CRCP: variants seen among roughly 807,000 people sequenced by gnomAD.
CRCP encodes the protein CGRP receptor component, also known as DNA-directed RNA polymerase III subunit RPC9.
CRCP carries 18 observed loss-of-function variants against 18.5 expected under a neutral mutation model. The observed-to-expected ratio is 0.97, with a 90% CI of 0.67 to 1.44. CRCP has a LOEUF of 1.44. Ranked by LOEUF, CRCP falls within the 40% of genes most tolerant of loss-of-function variation. The probability of loss-of-function intolerance (pLI) is 0.00; values close to 1 mark genes in which losing one functional copy is unlikely to be tolerated. For synonymous variants in CRCP, 53 were observed against 62.9 expected (o/e 0.84, Z 0.75); for missense variants, 130 against 176.4 (o/e 0.74, Z 1.49).
At chr7:66,130,696 A>C in intron 2 of CRCP, 48 bp from the exon 3 acceptor site, 1 of 1,129,266 alleles carries the variant, frequency 8.9e-7, no homozygotes, top group South Asian at 1.3e-5. Flanking sequence ...TTGGATAGAT[A>C]TATTTCTCAA....
chr7:66,115,032 C>G, intron 1 of CRCP, 62 bp downstream of exon 1: 1 of 1,581,286 alleles, frequency 6.3e-7, no homozygotes, highest in Non-Finnish European at 8.6e-7. Context: ...CCGCTGAGAG[C>G]TGAGAGCCGA....
At chr7:66,127,575 C>G (rs1787653451) in intron 1 of CRCP, 129 bp from the exon 2 acceptor site, 1 of 996,082 alleles carries the variant, frequency 1.0e-6, no homozygotes, top group Admixed American at 2.1e-5. Context: ...TTCTCAGTTT[C>G]AATTTTAGGT....
intron 1 of CRCP, among the ~76,000 whole-genome samples, chr7:66,121,167 C>T (rs913832182): frequency 1.3e-5 from 2 of 151,712 alleles, no homozygotes; most frequent in East Asian, 1.9e-4. Flanking sequence ...CTCCGCCTCC[C>T]GAGTTCAAGC....
At chr7:66,118,646 A>T (rs1048276828) in intron 1 of CRCP, among the ~76,000 whole-genome samples, 2 of 152,194 alleles carry the variant, frequency 1.3e-5, no homozygotes, top group African/African-American at 2.4e-5. Flanking sequence ...ACGGTGTAGT[A>T]TTTGCATATA....
intron 1 of CRCP, chr7:66,120,843 A>G (rs577022437): frequency 6.6e-6 from 1 of 152,172 alleles, no homozygotes; most frequent in African/African-American, 2.4e-5. Context: ...CTGGGACACA[A>G]GCATGTTTGG....
At chr7:66,117,729 T>C (rs1245859229) in intron 1 of CRCP, among the ~76,000 whole-genome samples, 1 of 152,198 alleles carries the variant, frequency 6.6e-6, no homozygotes, top group Admixed American at 6.6e-5. Context: ...AAACCCTTCA[T>C]TGACTTTCCA....
At chr7:66,127,925 A>G (rs1452839358) in intron 2 of CRCP, among the ~76,000 whole-genome samples, 185 bp downstream of exon 2, 1 of 152,156 alleles carries the variant, frequency 6.6e-6, no homozygotes, top group Non-Finnish European at 1.5e-5. Context: ...AGCCTGGCCA[A>G]CATGGTGAAA....
chr7:66,149,126 T>G (rs1294576853), intron 5 of CRCP, among the ~76,000 whole-genome samples: 1 of 152,216 alleles, frequency 6.6e-6, no homozygotes. Context: ...AAGTTTTATT[T>G]CCCCTTATGT....
intron 5 of CRCP, among the ~76,000 whole-genome samples, chr7:66,147,091 C>T (rs1210573216): frequency 6.6e-6 from 1 of 152,062 alleles, no homozygotes; most frequent in Non-Finnish European, 1.5e-5. Flanking sequence ...CCTGTAATGC[C>T]AGCACTTTGA....
chr7:66,140,727 A>G (rs529334318), intron 4 of CRCP, among the ~76,000 whole-genome samples: 20 of 152,106 alleles, frequency 1.3e-4, no homozygotes, highest in Admixed American at 3.3e-4. Context: ...TGGAGAGAGA[A>G]AGGCTTTCGT....
chr7:66,115,013 A>G, intron 1 of CRCP, 43 bp downstream of exon 1: 8 of 1,598,432 alleles, frequency 5.0e-6, no homozygotes, highest in South Asian at 1.1e-5. Context: ...GAGGAGCCCA[A>G]CGGTTTGACC....
rs185811672 is a variant in CRCP at position 66,133,353 on chromosome 7, A to G, written c.145-927A>G. On this transcript the variant is annotated intron_variant, in intron 3 of 5. Coordinates refer to ENST00000395326, the MANE Select transcript of CRCP (RefSeq NM_014478.5). ...ACCTCGTCTCTACTAAAAATACAAA[A>G]AGAAATTAGCCGGGCGTGGTGGCAG... Among the ~76,000 whole-genome samples the G allele has an allele frequency of 2.1e-3, 323 of 151,944 alleles. 2 individuals carry two copies. Among genetic ancestry groups the G allele is most frequent in the African/African-American group, 7.6e-3 (316 of 41,464 alleles).
chr7:66,128,233 T>G (rs1787674877), intron 2 of CRCP, among the ~76,000 whole-genome samples: 1 of 152,196 alleles, frequency 6.6e-6, no homozygotes, highest in Admixed American at 6.5e-5. Flanking sequence ...TAGTGTAAGC[T>G]TGACACGTTA....
intron 5 of CRCP, among the ~76,000 whole-genome samples, chr7:66,148,277 G>A (rs545026739): frequency 1.5e-3 from 233 of 152,272 alleles, no homozygotes; most frequent in Non-Finnish European, 2.5e-3. Flanking sequence ...CAGGAGAATC[G>A]CTTGAACCTG....
Position 66,145,499 on chromosome 7 carries a change from TG to T in CRCP, c.297+1del, listed in dbSNP as rs1562771877. 46 of 1,613,866 alleles carry T rather than the reference TG, an allele frequency of 2.9e-5. No homozygotes were observed. Among genetic ancestry groups the T allele is most frequent in the Non-Finnish European group, 3.9e-5 (46 of 1,179,918 alleles). ...HRPVTAVEIQ[L>X]MVEESEERLT... ...CCTGTGACTGCTGTGGAGATCCAGCTGGTGAGTGAAGGGCGCCTGTGCTGGG... is the reference window on the plus strand; with the variant it reads ...CCTGTGACTGCTGTGGAGATCCAGCTGTGAGTGAAGGGCGCCTGTGCTGGG... On this transcript the variant is annotated frameshift_variant and splice_region_variant, in exon 5 of 6. Coordinates refer to ENST00000395326, the MANE Select transcript of CRCP (RefSeq NM_014478.5). LOFTEE classifies it high-confidence loss of function.
At chr7:66,139,152 C>T (rs1048246583) in intron 4 of CRCP, among the ~76,000 whole-genome samples, 1 of 152,014 alleles carries the variant, frequency 6.6e-6, no homozygotes, top group Non-Finnish European at 1.5e-5. Flanking sequence ...TAAGGTTTCA[C>T]TCTGTTGCCC....
chr7:66,149,870 G>A (rs185673691), intron 5 of CRCP, among the ~76,000 whole-genome samples: 102 of 152,060 alleles, frequency 6.7e-4, no homozygotes, highest in East Asian at 6.3e-3. Flanking sequence ...GCAGTGGCAC[G>A]ATCTTGGCTT....
At chr7:66,118,427 T>C (rs1183987555) in intron 1 of CRCP, among the ~76,000 whole-genome samples, 1 of 152,230 alleles carries the variant, frequency 6.6e-6, no homozygotes, top group Non-Finnish European at 1.5e-5. Context: ...TTTACTTGTT[T>C]GGAGGGTGGG....
Position 66,152,976 on chromosome 7 carries a change from T to C in CRCP, c.*619T>C, listed in dbSNP as rs1788519118. On this transcript the variant is annotated 3_prime_UTR_variant, in exon 6 of 6. Coordinates refer to ENST00000395326, the MANE Select transcript of CRCP (RefSeq NM_014478.5). ...AATGTTAGGGACCAGATCACTGCAGTTGAAAACGGGCACTCCAGGCTTAGT... is the reference window on the plus strand; with the variant it reads ...AATGTTAGGGACCAGATCACTGCAGCTGAAAACGGGCACTCCAGGCTTAGT... 1 of 152,804 alleles carries C rather than the reference T, an allele frequency of 6.5e-6. No homozygotes were observed. The highest frequency in any genetic ancestry group is 1.5e-5 in the Non-Finnish European group (1 of 68,196). 9.5% of individuals were successfully genotyped at this position (152,804 alleles called of 1,614,324 possible). A position where few individuals can be genotyped will look rare whatever the true frequency, so the allele number is the denominator to read the frequency against.
Sources: gnomAD v4.1 joint callset for allele counts (sites outside exome capture counted in the v4.1 genomes callset) on GRCh38, gnomAD v4.1.1 for gene constraint, MANE v1.5 for transcripts, NCBI Gene and HGNC (gene_info 2026-07-23, HGNC 2026-07-21) for gene names.